CEP89: variants seen among roughly 807,000 people sequenced by gnomAD.
The protein encoded by CEP89 is centrosomal protein 89, also known as centrosomal protein of 89 kDa.
A neutral mutation model predicts 97.6 loss-of-function variants in CEP89; 95 were observed. The ratio of observed to expected loss-of-function variants is 0.97; its 90% CI spans 0.82 to 1.15. The LOEUF (loss-of-function observed/expected upper bound fraction) is 1.15, where lower values mean the gene tolerates loss of function less well. Among genes scored for constraint, CEP89 ranks in the 50% most tolerant of loss-of-function variants. The pLI, the probability that CEP89 is intolerant of heterozygous loss-of-function variation, is 0.00. For synonymous variants in CEP89, 354 were observed against 349.1 expected (o/e 1.01, Z -0.16); for missense variants, 869 against 947.7 (o/e 0.92, Z 1.09).
Position 32,933,470 on chromosome 19 carries a change from C to T in CEP89, c.867G>A (p.Glu289=), listed in dbSNP as rs375221653. The part of the protein sequence containing the change: ...EKEKRKLKEA[E]KASSQEVAAP... ...CCCCACCTTCCTGTGACGACGCCTT[C>T]TCAGCCTCTTTGAGCTTTCTCTTCT... Residue 289 remains glutamate, a synonymous_variant, in exon 8 of 19, where the codon GAG becomes GAA. Transcript: ENST00000305768. 5 of 1,614,000 alleles carry T rather than the reference C, an allele frequency of 3.1e-6. No homozygotes were observed. The African/African-American group carries it at 5.3e-5, about 17-fold the overall frequency.
At chr19:32,963,048 T>A (rs1203258326) in intron 2 of CEP89, among the ~76,000 whole-genome samples, 1 of 152,118 alleles carries the variant, frequency 6.6e-6, no homozygotes, top group African/African-American at 2.4e-5. Flanking sequence ...CTCAATACCA[T>A]TAGCCATTAG....
chr19:32,929,330 G>C (rs112214255), intron 9 of CEP89, among the ~76,000 whole-genome samples: 33 of 152,222 alleles, frequency 2.2e-4, no homozygotes, highest in Admixed American at 7.9e-4. Context: ...GGCCGGGCAT[G>C]GTGGTTCATG....
intron 4 of CEP89, among the ~76,000 whole-genome samples, chr19:32,951,547 A>T (rs1316996434): frequency 6.6e-6 from 1 of 150,384 alleles, no homozygotes; most frequent in Non-Finnish European, 1.5e-5. Context: ...ACACACACAC[A>T]CACACACACA....
chr19:32,940,078 C>A (rs1970657332), intron 5 of CEP89, among the ~76,000 whole-genome samples, 193 bp from the exon 6 acceptor site: 1 of 152,148 alleles, frequency 6.6e-6, no homozygotes, highest in South Asian at 2.1e-4. Flanking sequence ...ATTGTCATCT[C>A]TCTCCCATAC....
intron 5 of CEP89, among the ~76,000 whole-genome samples, chr19:32,945,557 C>T (rs920166561): frequency 6.6e-6 from 1 of 152,186 alleles, no homozygotes; most frequent in East Asian, 1.9e-4. Context: ...CCAGTTGGTA[C>T]CATGGAAGGC....
chr19:32,916,048 G>T (rs775412735), intron 13 of CEP89, among the ~76,000 whole-genome samples: 2 of 152,132 alleles, frequency 1.3e-5, no homozygotes, highest in Non-Finnish European at 2.9e-5. Flanking sequence ...GGAGGCTGAG[G>T]GGAGTATTGC....
intron 5 of CEP89, among the ~76,000 whole-genome samples, chr19:32,942,611 C>T (rs931081360): frequency 6.6e-6 from 1 of 152,142 alleles, no homozygotes; most frequent in Admixed American, 6.5e-5. Flanking sequence ...TACAGCATCC[C>T]AAATTCATGT....
At chr19:32,967,980 C>T (rs946136384) in intron 1 of CEP89, among the ~76,000 whole-genome samples, 19 of 152,062 alleles carry the variant, frequency 1.2e-4, no homozygotes, top group African/African-American at 3.4e-4. Flanking sequence ...GTGGTCAGCA[C>T]GAGACACAAG....
In CEP89 at chr19:32,890,982, C is replaced by T. The variant is rs114153925; in HGVS notation, c.1876-3141G>A. Among the ~76,000 whole-genome samples the T allele has an allele frequency of 2.9e-4, 44 of 152,274 alleles. 1 individual carries two copies. The highest frequency in any genetic ancestry group is 5.8e-4 in the East Asian group (3 of 5,188). Reference sequence around the variant, plus strand: ...CCCACATGCACCCGGAAGGCTGCAGCGGCGAGGCACCAGGTGGACCCAGTG... The same window carrying T: ...CCCACATGCACCCGGAAGGCTGCAGTGGCGAGGCACCAGGTGGACCCAGTG... On this transcript the variant is annotated intron_variant, in intron 16 of 18. Transcript: ENST00000305768.
intron 9 of CEP89, among the ~76,000 whole-genome samples, chr19:32,929,034 T>A (rs1970417228): frequency 6.6e-6 from 1 of 152,206 alleles, no homozygotes. Flanking sequence ...TAGTACAGAA[T>A]CAATGGCCTA....
chr19:32,951,538 C>T (rs867722060), intron 4 of CEP89, among the ~76,000 whole-genome samples: 86 of 141,920 alleles, frequency 6.1e-4, no homozygotes, highest in Admixed American at 1.0e-3. Context: ...TATATATACA[C>T]ACACACACAC....
intron 17 of CEP89, among the ~76,000 whole-genome samples, chr19:32,886,755 A>G (rs554305223): frequency 1.5e-4 from 22 of 148,620 alleles, no homozygotes; most frequent in Non-Finnish European, 2.9e-4. Flanking sequence ...AAAAGAAAGA[A>G]AGAGAGAAAA....
chr19:32,905,832 C>A (rs995997320), intron 14 of CEP89, among the ~76,000 whole-genome samples: 9 of 152,162 alleles, frequency 5.9e-5, no homozygotes, highest in Non-Finnish European at 1.3e-4. Context: ...CATCCTCCTG[C>A]CTCAGCCTCC....
chr19:32,883,268 G>T (rs1414295229), intron 17 of CEP89, among the ~76,000 whole-genome samples: 1 of 152,128 alleles, frequency 6.6e-6, no homozygotes. Context: ...TCTGACCCAA[G>T]AATTGTTTAG....
chr19:32,891,083 G>A (rs1901528846), intron 16 of CEP89, among the ~76,000 whole-genome samples: 1 of 152,176 alleles, frequency 6.6e-6, no homozygotes, highest in Non-Finnish European at 1.5e-5. Context: ...CACTGAAGAG[G>A]CTGCCCATGA....
intron 17 of CEP89, among the ~76,000 whole-genome samples, chr19:32,887,310 T>C (rs925600908): frequency 2.6e-5 from 4 of 151,292 alleles, no homozygotes; most frequent in Middle Eastern, 6.8e-3. Context: ...CTTGAACTCC[T>C]GGGCTCAATG....
At chr19:32,942,570 A>T (rs147962403) in intron 5 of CEP89, among the ~76,000 whole-genome samples, 22 of 152,326 alleles carry the variant, frequency 1.4e-4, no homozygotes, top group African/African-American at 5.1e-4. Flanking sequence ...CTTTTCAGAA[A>T]AAGAGTCTCA....
At chr19:32,967,939 CCACT>C (rs1433220967) in intron 1 of CEP89, among the ~76,000 whole-genome samples, 1 of 152,174 alleles carries the variant, frequency 6.6e-6, no homozygotes, top group Non-Finnish European at 1.5e-5. Context: ...TGAGGAGCAC[CCACT>C]GACAGTGGCC....
At chr19:32,882,619 T>C (rs1214200622) in intron 17 of CEP89, among the ~76,000 whole-genome samples, 1 of 151,664 alleles carries the variant, frequency 6.6e-6, no homozygotes, top group Non-Finnish European at 1.5e-5. Context: ...TGCAAATTAA[T>C]CTACAACTGT....
Sources: allele counts gnomAD v4.1 joint callset (sites outside exome capture counted in the v4.1 genomes callset), GRCh38; gene constraint gnomAD v4.1.1; transcripts MANE v1.5; gene names NCBI Gene and HGNC (gene_info 2026-07-23, HGNC 2026-07-21).